BDH1: variants seen among roughly 807,000 people sequenced by gnomAD.
BDH1 encodes the protein D-beta-hydroxybutyrate dehydrogenase, mitochondrial.
Under a neutral mutation model 33.1 loss-of-function variants are expected in BDH1, and 30 were observed. The observed-to-expected ratio is 0.91, with a 90% confidence interval of 0.68 to 1.23. The LOEUF (loss-of-function observed/expected upper bound fraction) is 1.23. BDH1 is among the 50% of genes most tolerant of loss of function. The pLI, the probability that BDH1 is intolerant of heterozygous loss-of-function variation, is 0.00. For missense variants in BDH1, 443 were observed against 464.4 expected, an observed-to-expected ratio of 0.95 and a Z score of 0.42; for synonymous variants, 190 against 183.6, an observed-to-expected ratio of 1.03 and a Z score of -0.28.
intron 2 of BDH1, among the ~76,000 whole-genome samples, chr3:197,546,878 C>T (rs983129334): frequency 2.6e-5 from 4 of 152,230 alleles, no homozygotes; most frequent in African/African-American, 7.2e-5. Context: ...CTCTAACCTG[C>T]TGAAACACCC....
At chr3:197,566,228 T>A (rs752528276) in intron 1 of BDH1, among the ~76,000 whole-genome samples, 1 of 152,244 alleles carries the variant, frequency 6.6e-6, no homozygotes. Flanking sequence ...TTGGAGAAAC[T>A]GGTTATTTTA....
chr3:197,551,741 C>T (rs981780254), intron 2 of BDH1, among the ~76,000 whole-genome samples: 3 of 152,146 alleles, frequency 2.0e-5, no homozygotes, highest in African/African-American at 7.2e-5. Flanking sequence ...TCTGAGAATG[C>T]CTCATTTATA....
intron 6 of BDH1, among the ~76,000 whole-genome samples, chr3:197,517,409 C>A (rs1440781609): frequency 2.2e-5 from 2 of 91,204 alleles, no homozygotes; most frequent in Non-Finnish European, 4.4e-5. Flanking sequence ...CTGACCCCCC[C>A]ACCCCATCAG....
At chr3:197,555,248 CGGAGGA>C (rs371377701) in intron 1 of BDH1, 2 of 154,752 alleles carry the variant, frequency 1.3e-5, no homozygotes, top group Non-Finnish European at 2.9e-5. Flanking sequence ...CGGAGGACCC[CGGAGGA>C]GGAGGAGGAG....
chr3:197,524,079 T>C (rs1014464857), intron 5 of BDH1, among the ~76,000 whole-genome samples: 1 of 152,222 alleles, frequency 6.6e-6, no homozygotes, highest in Non-Finnish European at 1.5e-5. Flanking sequence ...GGCTGCATTG[T>C]CACATTTCAT....
At chr3:197,535,979 G>A (rs910834350) in intron 3 of BDH1, among the ~76,000 whole-genome samples, 2 of 152,072 alleles carry the variant, frequency 1.3e-5, no homozygotes, top group Non-Finnish European at 2.9e-5. Context: ...CCAGGAGGCA[G>A]AGGTTGCAAT....
intron 1 of BDH1, among the ~76,000 whole-genome samples, chr3:197,570,792 A>C (rs1361605328): frequency 6.6e-6 from 1 of 152,262 alleles, no homozygotes; most frequent in African/African-American, 2.4e-5. Flanking sequence ...CTGCTAGGGC[A>C]GTGAAGAAGG....
intron 2 of BDH1, among the ~76,000 whole-genome samples, chr3:197,547,225 C>A (rs1235855299): frequency 1.3e-5 from 2 of 152,206 alleles, no homozygotes; most frequent in South Asian, 4.1e-4. Flanking sequence ...CATTATTGAC[C>A]GCTGATCAGC....
At position 197,514,920 on chromosome 3, in the gene BDH1, A is replaced by G. The variant is rs943697197; in HGVS notation, c.410-504T>C. Among the ~76,000 whole-genome samples the G allele has an allele frequency of 6.6e-6, 1 of 152,176 alleles. No homozygotes were observed. Among genetic ancestry groups the G allele is most frequent in the Non-Finnish European group, 1.5e-5 (1 of 68,028 alleles). ...GTTTTGCAGGGACCTCTCTGAGTTC[A>G]GTTTGTTGGGGTGCAAAGGCTGGAT... is the stretch of plus-strand genomic sequence containing the variant. On this transcript the variant is annotated intron_variant, in intron 6 of 7. Coordinates refer to ENST00000392379, the MANE Select transcript of BDH1 (RefSeq NM_203314.3). The surrounding 1 kb of genome is among the most constrained non-coding windows in gnomAD (Gnocchi z 4.2).
chr3:197,532,734 T>C lies in BDH1; in HGVS notation c.157-212A>G, dbSNP rs2303981. The stretch of plus-strand genomic sequence containing the variant: ...CTCGGCTACCAACCAGCAATGTTGC[T>C]TGGGAAAATTACTTCTGCCTTCAGG... On this transcript the variant is annotated intron_variant, in intron 4 of 7. Coordinates refer to ENST00000392379, the MANE Select transcript of BDH1 (RefSeq NM_203314.3). Among the ~76,000 whole-genome samples, 122 of 152,342 alleles carry C rather than the reference T, an allele frequency of 8.0e-4. 1 individual carries two copies. In the East Asian group the frequency reaches 0.023, roughly 28 times the overall value.
In BDH1 at chr3:197,525,455, C is replaced by T. The variant is rs975243421; in HGVS notation, c.268-2674G>A. ...AGCATCACGACAAGGTCCCTGCAGT[C>T]CTCAGGGGAAACCCCCGACTCCAAG... On this transcript the variant is annotated intron_variant, in intron 5 of 7. Coordinates refer to ENST00000392379, the MANE Select transcript of BDH1 (RefSeq NM_203314.3). This position sits in a 1 kb window ranked among gnomAD's most constrained non-coding sequence, Gnocchi z 4.9. 1.7e-4 allele frequency among the ~76,000 whole-genome samples: 26 copies of T among 152,242 alleles called. No individual in the cohort carries two copies. The highest frequency in any genetic ancestry group is 6.3e-4 in the African/African-American group (26 of 41,460).
Position 197,525,065 on chromosome 3 carries a change from G to A in BDH1, c.268-2284C>T, listed in dbSNP as rs936259768. On this transcript the variant is annotated intron_variant, in intron 5 of 7. Coordinates refer to ENST00000392379, the MANE Select transcript of BDH1 (RefSeq NM_203314.3). This position sits in a 1 kb window ranked among gnomAD's most constrained non-coding sequence, Gnocchi z 4.9. ...CTTCCCAAACAAGACGCAGGCATGA[G>A]ATGCACGGGACAGATGGGCCTGGAG... 1.5e-4 allele frequency among the ~76,000 whole-genome samples: 23 copies of A among 152,210 alleles called. No individual in the cohort carries two copies. The highest frequency in any genetic ancestry group is 1.2e-3 in the Admixed American group (18 of 15,292).
At chr3:197,531,432 T>C (rs963877691) in intron 5 of BDH1, among the ~76,000 whole-genome samples, 2 of 146,684 alleles carry the variant, frequency 1.4e-5, no homozygotes, top group African/African-American at 2.5e-5. Context: ...TATATATATA[T>C]ATATGTGTAT....
At chr3:197,533,124 A>C (rs1714827761) in intron 4 of BDH1, among the ~76,000 whole-genome samples, 1 of 151,848 alleles carries the variant, frequency 6.6e-6, no homozygotes, top group South Asian at 2.1e-4. Context: ...TGATCCACCC[A>C]CCTCGGCCTC....
upstream of BDH1, among the ~76,000 whole-genome samples, chr3:197,556,647 G>A (rs957657408): frequency 9.2e-5 from 14 of 152,230 alleles, no homozygotes; most frequent in South Asian, 2.5e-3. Context: ...TAGCCTGGGC[G>A]ACAGAGTGCT....
Position 197,523,424 on chromosome 3 carries a change from AT to A in BDH1, c.268-644del, listed in dbSNP as rs1713769140. Among the ~76,000 whole-genome samples the A allele has an allele frequency of 6.6e-6, 1 of 152,142 alleles. No homozygotes were observed. Among genetic ancestry groups the A allele is most frequent in the African/African-American group, 2.4e-5 (1 of 41,512 alleles). On this transcript the variant is annotated intron_variant, in intron 5 of 7. Coordinates refer to ENST00000392379, the MANE Select transcript of BDH1 (RefSeq NM_203314.3). The surrounding 1 kb of genome is among the most constrained non-coding windows in gnomAD (Gnocchi z 4.5). ...CAGGGGTGTCCCTGAACAGGGGTCC[AT>A]TTTTTCTGGCTGTAAAACAGGAACA...
rs181010844 is a variant in BDH1, at chr3:197,514,931, G to T, written c.410-515C>A. On this transcript the variant is annotated intron_variant, in intron 6 of 7. Coordinates refer to ENST00000392379, the MANE Select transcript of BDH1 (RefSeq NM_203314.3). This position sits in a 1 kb window ranked among gnomAD's most constrained non-coding sequence, Gnocchi z 4.2. ...ACCTCTCTGAGTTCAGTTTGTTGGG[G>T]TGCAAAGGCTGGATGGGTCAGAGCC... Among the ~76,000 whole-genome samples, 8 of 152,332 alleles carry T rather than the reference G, an allele frequency of 5.3e-5. No individual in the cohort carries two copies. The highest frequency in any genetic ancestry group is 7.3e-5 in the Non-Finnish European group (5 of 68,028).
In BDH1 at chr3:197,546,465, G is replaced by A. The variant is rs1267515995; in HGVS notation, c.-22C>T. On this transcript the variant is annotated 5_prime_UTR_variant, in exon 3 of 8. Coordinates refer to ENST00000392379, the MANE Select transcript of BDH1 (RefSeq NM_203314.3). The stretch of plus-strand genomic sequence containing the variant: ...GCATGGTAGCAACGGGTGTTAGAAT[G>A]GCCCAGTTCCTCCCGGTGGTTCTGA... 1.9e-6 allele frequency: 3 copies of A among 1,611,566 alleles called. No homozygotes were observed. In the East Asian group the frequency reaches 6.7e-5, roughly 36 times the overall value.
chr3:197,543,652 G>C (rs766493457), intron 3 of BDH1, among the ~76,000 whole-genome samples: 4 of 152,250 alleles, frequency 2.6e-5, no homozygotes, highest in Non-Finnish European at 4.4e-5. Context: ...TGTACTGGGT[G>C]ATGCCTGCTC....
Sources: gnomAD v4.1 joint callset for allele counts (sites outside exome capture counted in the v4.1 genomes callset) on GRCh38, gnomAD v4.1.1 for gene constraint, Gnocchi (gnomAD v3.1) non-coding constraint, MANE v1.5 for transcripts, NCBI Gene and HGNC (gene_info 2026-07-23, HGNC 2026-07-21) for gene names.